HEPACAM2: variants seen among roughly 807,000 people sequenced by gnomAD.
The protein encoded by HEPACAM2 is HEPACAM family member 2, also known as mitotic kinetics regulator.
In HEPACAM2, 49 loss-of-function variants were observed where a neutral mutation model predicts 49.6. That is an observed-to-expected ratio of 0.99 (90% confidence interval 0.78 to 1.25). HEPACAM2 has a LOEUF of 1.25. Ranked by LOEUF, HEPACAM2 falls within the 50% of genes most tolerant of loss-of-function variation. HEPACAM2 has a pLI of 0.00. For missense variants in HEPACAM2, 525 were observed against 557.2 expected, an observed-to-expected ratio of 0.94 and a Z score of 0.58; for synonymous variants, 197 against 202.9, an observed-to-expected ratio of 0.97 and a Z score of 0.25.
Position 93,189,282 on chromosome 7 carries a change from A to T in HEPACAM2, c.1386-12T>A, listed in dbSNP as rs1584321715. ...CCATGAAAGTTCACCTAGTGAAGAG[A>T]TATACAAAATATGTAAACAGTTCTA... is the stretch of plus-strand genomic sequence containing the variant. On this transcript the variant is annotated splice_polypyrimidine_tract_variant and intron_variant, in intron 9 of 9. Coordinates refer to ENST00000394468, the MANE Select transcript of HEPACAM2 (RefSeq NM_001039372.4). 6.3e-7 allele frequency: 1 copy of T among 1,584,540 alleles called. No individual in the cohort carries two copies. Among genetic ancestry groups the T allele is most frequent in the Middle Eastern group, 1.7e-4 (1 of 5,952 alleles).
chr7:93,219,372 G>A lies in HEPACAM2; in HGVS notation c.159C>T (p.Val53=), dbSNP rs1794395878. ...ATGCTGGAGTGTGGAAGCCATAGTG[G>A]ACGGGTAGGTAGAGGGCCTGACCTC... ...GVRGQALYLP[V]HYGFHTPASD... Residue 53 remains valine, a synonymous_variant, in exon 2 of 10, where the codon GTC becomes GTT. Transcript: ENST00000394468. The A allele has an allele frequency of 6.2e-7, 1 of 1,614,020 alleles. No homozygotes were observed. The highest frequency in any genetic ancestry group is 2.2e-5 in the East Asian group (1 of 44,874).
intron 2 of HEPACAM2, among the ~76,000 whole-genome samples, 155 bp from the exon 3 acceptor site, chr7:93,215,840 G>T (rs1354520851): frequency 6.6e-6 from 1 of 152,104 alleles, no homozygotes; most frequent in Non-Finnish European, 1.5e-5. Context: ...GAAGAGAAGA[G>T]AATAAAAAGC....
At chr7:93,197,335 A>C in intron 6 of HEPACAM2, 38 bp downstream of exon 6, 1 of 1,605,182 alleles carries the variant, frequency 6.2e-7, no homozygotes, top group Non-Finnish European at 8.5e-7. Flanking sequence ...ATAAGCATCT[A>C]AGGAAAACAA....
In HEPACAM2 at chr7:93,189,248, CT is replaced by C. The variant is rs1187878904; in HGVS notation, c.*18del. ...TTCTTCAGAATTTCACTCGAATGTA[CT>C]GTTTAGCCCATGAAAGTTCACCTAG... is the stretch of plus-strand genomic sequence containing the variant. On this transcript the variant is annotated 3_prime_UTR_variant, in exon 10 of 10. Coordinates refer to ENST00000394468, the MANE Select transcript of HEPACAM2 (RefSeq NM_001039372.4). 1 of 1,589,674 alleles carries C rather than the reference CT, an allele frequency of 6.3e-7. No individual in the cohort carries two copies. The highest frequency in any genetic ancestry group is 8.6e-7 in the Non-Finnish European group (1 of 1,162,092).
chr7:93,207,028 C>T (rs555317485), intron 4 of HEPACAM2, among the ~76,000 whole-genome samples: 61 of 152,118 alleles, frequency 4.0e-4, no homozygotes, highest in Middle Eastern at 3.4e-3. Context: ...GATCCTGATC[C>T]AATAGGTCTG....
At chr7:93,204,268 T>C (rs937862812) in intron 4 of HEPACAM2, among the ~76,000 whole-genome samples, 15 of 152,176 alleles carry the variant, frequency 9.9e-5, no homozygotes, top group Non-Finnish European at 1.9e-4. Flanking sequence ...ATTGAATGCC[T>C]TCATTAAATG....
upstream of HEPACAM2, among the ~76,000 whole-genome samples, chr7:93,228,841 A>G (rs985701892): frequency 1.3e-5 from 2 of 151,440 alleles, no homozygotes; most frequent in Non-Finnish European, 2.9e-5. Flanking sequence ...TGGGATATGG[A>G]CACATATACT....
At chr7:93,213,785 G>A (rs1483463374) in intron 3 of HEPACAM2, among the ~76,000 whole-genome samples, 1 of 152,038 alleles carries the variant, frequency 6.6e-6, no homozygotes, top group African/African-American at 2.4e-5. Context: ...CAATGAACCT[G>A]TTAGTGACAC....
chr7:93,192,349 A>G lies in HEPACAM2; in HGVS notation c.1290T>C (p.Ser430=). 4 of 1,611,822 alleles carry G rather than the reference A, an allele frequency of 2.5e-6. No homozygotes were observed. The highest frequency in any genetic ancestry group is 3.4e-6 in the Non-Finnish European group (4 of 1,178,570). Residue 430 remains serine, a synonymous_variant, in exon 9 of 10, where the codon TCT becomes TCC. Transcript: ENST00000394468. The stretch of plus-strand genomic sequence containing the variant: ...CCGATACACAATCAGAGGCTGGAAC[A>G]GACCTGCTTGGGATCTAGAAAATGT... ...VSGVSRIPSR[S]VPASDCVSGQ...
At chr7:93,221,783 G>A (rs994993288) in intron 1 of HEPACAM2, among the ~76,000 whole-genome samples, 1 of 152,154 alleles carries the variant, frequency 6.6e-6, no homozygotes, top group Non-Finnish European at 1.5e-5. Context: ...ATTGGCCTCT[G>A]TGTGTTTTTG....
At chr7:93,190,438 GA>G (rs1793514109) in intron 9 of HEPACAM2, among the ~76,000 whole-genome samples, 1 of 151,838 alleles carries the variant, frequency 6.6e-6, no homozygotes, top group African/African-American at 2.4e-5. Context: ...AGAGCCACTG[GA>G]AGACAAAGAT....
At chr7:93,203,492 T>G (rs903631851) in intron 4 of HEPACAM2, among the ~76,000 whole-genome samples, 1 of 152,136 alleles carries the variant, frequency 6.6e-6, no homozygotes, top group Admixed American at 6.5e-5. Flanking sequence ...CTTCTGCAGT[T>G]CTGGACACCT....
chr7:93,231,029 C>G (rs1794618129), upstream of HEPACAM2, among the ~76,000 whole-genome samples: 1 of 152,080 alleles, frequency 6.6e-6, no homozygotes, highest in Admixed American at 6.5e-5. Flanking sequence ...ATATTACAAC[C>G]TCATTTGTAA....
chr7:93,194,921 C>T (rs201273799), intron 8 of HEPACAM2, among the ~76,000 whole-genome samples: 76 of 118,138 alleles, frequency 6.4e-4, no homozygotes, highest in African/African-American at 1.5e-3. Flanking sequence ...TTTAAAAGAT[C>T]TTTTTTTTTT....
chr7:93,210,264 T>G (rs143926226), intron 3 of HEPACAM2, among the ~76,000 whole-genome samples: 12 of 152,092 alleles, frequency 7.9e-5, no homozygotes, highest in Non-Finnish European at 1.6e-4. Context: ...TAAGTGCTTA[T>G]GCAGATAACA....
intron 4 of HEPACAM2, among the ~76,000 whole-genome samples, 154 bp from the exon 5 acceptor site, chr7:93,197,764 G>A (rs1785191394): frequency 6.6e-6 from 1 of 151,932 alleles, no homozygotes; most frequent in African/African-American, 2.4e-5. Flanking sequence ...CAAATGGAAG[G>A]AATGCACTTA....
At chr7:93,224,158 G>T (rs1403932422) in intron 1 of HEPACAM2, among the ~76,000 whole-genome samples, 4 of 152,104 alleles carry the variant, frequency 2.6e-5, no homozygotes, top group African/African-American at 7.2e-5. Context: ...TGGTTGTGGT[G>T]GCTAATGCCT....
intron 2 of HEPACAM2, 83 bp downstream of exon 2, chr7:93,219,018 T>TA: frequency 2.5e-6 from 3 of 1,213,614 alleles, no homozygotes; most frequent in Non-Finnish European, 3.5e-6. Flanking sequence ...AGCCAAGATC[T>TA]AAAGCCGAAG....
chr7:93,195,539 C>A (rs1051449599), intron 8 of HEPACAM2, among the ~76,000 whole-genome samples: 3 of 152,122 alleles, frequency 2.0e-5, no homozygotes, highest in Admixed American at 2.0e-4. Flanking sequence ...GTTCTCTTGA[C>A]TTTCAACCTA....
Sources: allele counts gnomAD v4.1 joint callset (sites outside exome capture counted in the v4.1 genomes callset), GRCh38; gene constraint gnomAD v4.1.1; transcripts MANE v1.5; gene names NCBI Gene and HGNC (gene_info 2026-07-23, HGNC 2026-07-21).